BCAR3: variants seen among roughly 807,000 people sequenced by gnomAD.
BCAR3 encodes breast cancer anti-estrogen resistance protein 3.
In BCAR3, 37 loss-of-function variants were observed where a neutral mutation model predicts 80.1. That is an observed-to-expected ratio of 0.46 (90% confidence interval 0.36 to 0.61). The LOEUF is 0.61. Ranked by LOEUF, BCAR3 falls within the 20% of genes least tolerant of loss-of-function variation. The pLI, the probability that BCAR3 is intolerant of heterozygous loss-of-function variation, is 0.00. For synonymous variants in BCAR3, 389 were observed against 418.9 expected, an observed-to-expected ratio of 0.93 and a Z score of 0.87; for missense variants, 978 against 1,068.2, an observed-to-expected ratio of 0.92 and a Z score of 1.18.
In BCAR3 at chr1:93,582,596, T is replaced by G; in HGVS notation, c.1391A>C (p.Glu464Ala). 1 of 1,613,590 alleles carries G rather than the reference T, an allele frequency of 6.2e-7. No homozygotes were observed. Among genetic ancestry groups the G allele is most frequent in the Non-Finnish European group, 8.5e-7 (1 of 1,179,856 alleles). ...HTELLTAKQN[E>A]APGPRNSGVN... is the part of the protein sequence containing the mutation. ...GCCAGAGTTCCGGGGACCTGGCGCC[T>G]CATTCTGCTTGGCTGTGAGCAGTTC... is the stretch of plus-strand genomic sequence containing the variant. Residue 464 changes from glutamate to alanine, a missense_variant, in exon 7 of 12, where the codon GAG (glutamate) becomes GCG (alanine). Transcript: ENST00000260502.
intron 2 of BCAR3, among the ~76,000 whole-genome samples, chr1:93,718,950 C>T (rs1305889752): frequency 6.6e-6 from 1 of 151,902 alleles, no homozygotes. Context: ...AATCCGCCCG[C>T]CTCGGCCTCC....
At chr1:93,786,017 C>A (rs1242888390) in intron 2 of BCAR3, among the ~76,000 whole-genome samples, 1 of 121,974 alleles carries the variant, frequency 8.2e-6, no homozygotes, top group Non-Finnish European at 1.6e-5. Flanking sequence ...CACGGTGAAA[C>A]CCCGTCTCTA....
At chr1:93,760,676 G>C (rs1232056239) in intron 2 of BCAR3, among the ~76,000 whole-genome samples, 1 of 152,122 alleles carries the variant, frequency 6.6e-6, no homozygotes, top group Non-Finnish European at 1.5e-5. Context: ...TCTTGCTGCA[G>C]GCACAGCTCC....
intron 2 of BCAR3, among the ~76,000 whole-genome samples, chr1:93,738,978 T>C (rs1651088108): frequency 6.6e-6 from 1 of 152,068 alleles, no homozygotes. Context: ...GGATATGTTT[T>C]CCTGACCCCA....
upstream of BCAR3, chr1:93,847,503 G>A (rs745599264): frequency 7.2e-5 from 11 of 152,466 alleles, no homozygotes; most frequent in Non-Finnish European, 1.5e-4. Flanking sequence ...ACGACGGGAG[G>A]CGCGGTCGGA....
At chr1:93,623,438 T>C (rs1032064787) in intron 3 of BCAR3, among the ~76,000 whole-genome samples, 1 of 152,110 alleles carries the variant, frequency 6.6e-6, no homozygotes, top group African/African-American at 2.4e-5. Flanking sequence ...AGCAGGTGAA[T>C]GACATGAGAC....
At chr1:93,680,205 C>T (rs1571039137) in intron 1 of BCAR3, among the ~76,000 whole-genome samples, 2 of 152,284 alleles carry the variant, frequency 1.3e-5, no homozygotes, top group East Asian at 3.9e-4. Context: ...AGGATTTACC[C>T]GATAAGGTTC....
At chr1:93,562,524 C>G in intron 11 of BCAR3, 105 bp from the exon 12 acceptor site, 1 of 987,330 alleles carries the variant, frequency 1.0e-6, no homozygotes, top group Non-Finnish European at 1.5e-6. Flanking sequence ...AATCCCAGCA[C>G]TTTGGGAGGC....
intron 2 of BCAR3, among the ~76,000 whole-genome samples, chr1:93,748,916 T>C (rs1348163543): frequency 6.6e-6 from 1 of 152,298 alleles, no homozygotes; most frequent in East Asian, 1.9e-4. Flanking sequence ...CCCAACACAA[T>C]GCTGAAGACA....
intron 2 of BCAR3, among the ~76,000 whole-genome samples, chr1:93,800,552 G>A (rs1464288214): frequency 6.6e-6 from 1 of 151,452 alleles, no homozygotes; most frequent in Non-Finnish European, 1.5e-5. Context: ...CTCCAGCCTG[G>A]GTGACAGAGT....
intron 2 of BCAR3, among the ~76,000 whole-genome samples, chr1:93,779,896 C>T (rs919696482): frequency 6.6e-6 from 1 of 152,172 alleles, no homozygotes; most frequent in African/African-American, 2.4e-5. Flanking sequence ...GCTTCATTTA[C>T]AATTTGGGAC....
chr1:93,759,902 C>T (rs1176595760), intron 2 of BCAR3, among the ~76,000 whole-genome samples: 1 of 152,076 alleles, frequency 6.6e-6, no homozygotes, highest in Non-Finnish European at 1.5e-5. Flanking sequence ...TCGCTGGTCT[C>T]AAAGGTGGCA....
intron 2 of BCAR3, among the ~76,000 whole-genome samples, chr1:93,831,820 A>T (rs1200969213): frequency 6.6e-6 from 1 of 151,934 alleles, no homozygotes; most frequent in East Asian, 1.9e-4. Context: ...TTCTTTCCGC[A>T]ACTAGCCCTC....
At chr1:93,693,746 C>A (rs1417903278) in intron 3 of BCAR3, among the ~76,000 whole-genome samples, 1 of 152,182 alleles carries the variant, frequency 6.6e-6, no homozygotes, top group African/African-American at 2.4e-5. Flanking sequence ...CCTCTGTAAA[C>A]ACGGACTGCT....
intron 2 of BCAR3, among the ~76,000 whole-genome samples, chr1:93,843,610 C>T (rs1274547062): frequency 6.6e-6 from 1 of 152,146 alleles, no homozygotes. Flanking sequence ...TTTTAAATCT[C>T]ACCCTTTAAA....
chr1:93,841,301 G>A (rs184228095), intron 2 of BCAR3, among the ~76,000 whole-genome samples: 4 of 152,350 alleles, frequency 2.6e-5, no homozygotes, highest in Non-Finnish European at 5.9e-5. Flanking sequence ...ATGGCAGCAA[G>A]GACAGCATTT....
chr1:93,790,641 T>A (rs1177683930), intron 2 of BCAR3, among the ~76,000 whole-genome samples: 1 of 108,750 alleles, frequency 9.2e-6, no homozygotes, highest in South Asian at 3.5e-4. Flanking sequence ...TTCATTTTTT[T>A]TTTTTCTTAA....
In BCAR3 at chr1:93,716,837, A is replaced by G. The variant is rs1273885402; in HGVS notation, c.-62-10695T>C. On this transcript the variant is annotated intron_variant, in intron 2 of 13. Coordinates refer to the BCAR3 transcript ENST00000370244. ...TGGAGGGCATCCACTCTGATCTTCT[A>G]GTCTGCTTTATGCAGGAGATGGACA... 2.6e-5 allele frequency among the ~76,000 whole-genome samples: 4 copies of G among 152,230 alleles called. No homozygotes were observed. In the East Asian group the frequency reaches 7.7e-4, roughly 29 times the overall value.
At chr1:93,752,393 A>C (rs1307659746) in intron 2 of BCAR3, among the ~76,000 whole-genome samples, 1 of 152,192 alleles carries the variant, frequency 6.6e-6, no homozygotes, top group East Asian at 1.9e-4. Flanking sequence ...ATGAGCATCT[A>C]CCTGGGCATT....
Sources: allele counts gnomAD v4.1 joint callset (sites outside exome capture counted in the v4.1 genomes callset), GRCh38; gene constraint gnomAD v4.1.1; transcripts MANE v1.5; gene names NCBI Gene and HGNC (gene_info 2026-07-23, HGNC 2026-07-21).